FBP1: variants seen among roughly 807,000 people sequenced by gnomAD.
FBP1 encodes fructose-1,6-bisphosphatase 1.
A neutral mutation model predicts 29.9 loss-of-function variants in FBP1; 22 were observed. That is an observed-to-expected ratio of 0.74 (90% CI 0.53 to 1.05). The LOEUF (loss-of-function observed/expected upper bound fraction) is 1.05. Ranked by LOEUF, FBP1 falls within the 50% of genes least tolerant of loss-of-function variation. The pLI, the probability that FBP1 is intolerant of heterozygous loss-of-function variation, is 0.00. For missense variants in FBP1, 345 were observed against 448.2 expected (o/e 0.77, Z 2.08); for synonymous variants, 175 against 178.6 (o/e 0.98, Z 0.16).
intron 6 of FBP1, 71 bp downstream of exon 6, chr9:94,605,386 C>A: frequency 6.4e-7 from 1 of 1,554,086 alleles, no homozygotes; most frequent in Non-Finnish European, 8.8e-7. Context: ...AACCTTTCTT[C>A]TTCCTAAACT....
intron 3 of FBP1, among the ~76,000 whole-genome samples, chr9:94,610,470 G>A (rs1322226678): frequency 6.6e-6 from 1 of 152,234 alleles, no homozygotes; most frequent in Non-Finnish European, 1.5e-5. Flanking sequence ...CCAGTCTGCG[G>A]AGGAAATCAG....
rs996906877 is a variant in FBP1, at chr9:94,628,771, C to G, written c.171-8280G>C. Reference sequence around the variant, plus strand: ...GGACATGCTTTTAAATTGCACTGTTCCAGAGACCCGGATATTTGGTTTCCA... The same window carrying G: ...GGACATGCTTTTAAATTGCACTGTTGCAGAGACCCGGATATTTGGTTTCCA... On this transcript the variant is annotated intron_variant, in intron 1 of 6. Transcript: ENST00000375326. 3.3e-5 allele frequency among the ~76,000 whole-genome samples: 5 copies of G among 152,228 alleles called. No individual in the cohort carries two copies. In the South Asian group the frequency reaches 8.3e-4, roughly 25 times the overall value.
intron 3 of FBP1, among the ~76,000 whole-genome samples, chr9:94,615,123 T>C (rs1251292717): frequency 6.6e-6 from 1 of 152,132 alleles, no homozygotes; most frequent in Non-Finnish European, 1.5e-5. Flanking sequence ...TTAGCCAGGA[T>C]GGTCGCAATC....
chr9:94,603,842 C>G, intron 6 of FBP1: 1 of 487,298 alleles, frequency 2.1e-6, no homozygotes, highest in Non-Finnish European at 3.8e-6. Flanking sequence ...CACCTGCATA[C>G]TGGACAGAAT....
intron 2 of FBP1, among the ~76,000 whole-genome samples, chr9:94,619,424 T>C (rs1040679652): frequency 6.6e-6 from 1 of 152,184 alleles, no homozygotes; most frequent in Non-Finnish European, 1.5e-5. Context: ...AAGTTTTTTT[T>C]TCTAATTACA....
chr9:94,633,446 C>G (rs1828137921), intron 1 of FBP1, among the ~76,000 whole-genome samples: 1 of 152,192 alleles, frequency 6.6e-6, no homozygotes, highest in Non-Finnish European at 1.5e-5. Context: ...GTAAAGTGTT[C>G]ACCCTTGCCA....
At chr9:94,635,964 A>G (rs1417956869) in intron 1 of FBP1, among the ~76,000 whole-genome samples, 1 of 152,216 alleles carries the variant, frequency 6.6e-6, no homozygotes, top group African/African-American at 2.4e-5. Context: ...TTTGTCTGCT[A>G]TTATAGGCAT....
At position 94,627,144 on chromosome 9, in the gene FBP1, C is replaced by T. The variant is rs139886788; in HGVS notation, c.171-6653G>A. ...CAGAGGTTGCAGTAAGCTGAGATCA[C>T]GCAATTGCACTCCAGCCTGGGCAAC... is the stretch of plus-strand genomic sequence containing the variant. On this transcript the variant is annotated intron_variant, in intron 1 of 6. Transcript: ENST00000375326. 2.0e-3 allele frequency among the ~76,000 whole-genome samples: 308 copies of T among 150,962 alleles called. 2 individuals carry two copies. Among genetic ancestry groups the T allele is most frequent in the African/African-American group, 7.0e-3 (288 of 41,022 alleles).
intron 5 of FBP1, among the ~76,000 whole-genome samples, chr9:94,605,816 G>T (rs983789820): frequency 6.6e-6 from 1 of 152,118 alleles, no homozygotes; most frequent in Non-Finnish European, 1.5e-5. Flanking sequence ...CCCAACGAGG[G>T]TATGGTTGAT....
rs372558512 is a variant in FBP1 at position 94,610,079 on chromosome 9, T to C, written c.427-18A>G. On this transcript the variant is annotated intron_variant, in intron 3 of 6. Transcript: ENST00000375326. ...GTTGATTTCTAGAGCAAGAAAGAAA[T>C]CAAAGAATGTTTTTGTTTTGTTTTG... The C allele has an allele frequency of 1.2e-6, 2 of 1,613,096 alleles. No individual in the cohort carries two copies. Among genetic ancestry groups the C allele is most frequent in the Non-Finnish European group, 1.7e-6 (2 of 1,179,406 alleles).
intron 2 of FBP1, among the ~76,000 whole-genome samples, chr9:94,619,542 GAC>G (rs984917640): frequency 6.6e-6 from 1 of 152,056 alleles, no homozygotes; most frequent in African/African-American, 2.4e-5. Flanking sequence ...TAGACACTGG[GAC>G]ACAGAGACAA....
Position 94,639,421 on chromosome 9 carries a change from G to A in FBP1, c.-111C>T. The stretch of plus-strand genomic sequence containing the variant: ...ACTGGCCGCAGGTGCGGAGCTGCAG[G>A]TGCGGGCGGCAGGTGCGGGCCGCGG... On this transcript the variant is annotated 5_prime_UTR_variant, in exon 1 of 7. Coordinates refer to ENST00000375326, the MANE Select transcript of FBP1 (RefSeq NM_000507.4). The A allele has an allele frequency of 1.5e-6, 2 of 1,307,282 alleles. No homozygotes were observed. Among genetic ancestry groups the A allele is most frequent in the Non-Finnish European group, 2.1e-6 (2 of 930,944 alleles). 81.0% of individuals were successfully genotyped at this position (1,307,282 alleles called of 1,614,324 possible). A position where few individuals can be genotyped will look rare whatever the true frequency, so the allele number is the denominator to read the frequency against.
At chr9:94,608,798 C>T (rs984050192) in intron 4 of FBP1, among the ~76,000 whole-genome samples, 3 of 152,166 alleles carry the variant, frequency 2.0e-5, no homozygotes, top group African/African-American at 7.2e-5. Flanking sequence ...CTCCAGCAGC[C>T]TATCTCGCAC....
intron 3 of FBP1, 23 bp from the exon 4 acceptor site, chr9:94,610,084 G>T (rs746018168): frequency 1.9e-6 from 3 of 1,611,902 alleles, no homozygotes; most frequent in South Asian, 1.1e-5. Context: ...AGAAATCAAA[G>T]AATGTTTTTG....
chr9:94,621,815 G>T (rs1233344229), intron 1 of FBP1, among the ~76,000 whole-genome samples: 1 of 152,040 alleles, frequency 6.6e-6, no homozygotes, highest in Non-Finnish European at 1.5e-5. Context: ...CCTGGGTCGG[G>T]GGTAGCCTGA....
rs564777022 is a variant in FBP1 at position 94,603,273 on chromosome 9, T to C, written c.*108A>G. 2.1e-5 allele frequency: 19 copies of C among 918,472 alleles called. No individual in the cohort carries two copies. The South Asian group carries it at 2.5e-4, about 12-fold the overall frequency. 56.9% of individuals were successfully genotyped at this position (918,472 alleles called of 1,614,324 possible). A position where few individuals can be genotyped will look rare whatever the true frequency, so the allele number is the denominator to read the frequency against. On this transcript the variant is annotated 3_prime_UTR_variant, in exon 7 of 7. Coordinates refer to ENST00000375326, the MANE Select transcript of FBP1 (RefSeq NM_000507.4). ...TTGATGGTGGAAATAGTCATGCTTT[T>C]TATTTCTGCTCTCTAGGAATGTAAG...
At chr9:94,616,226 G>A (rs1827860282) in intron 3 of FBP1, among the ~76,000 whole-genome samples, 2 of 152,066 alleles carry the variant, frequency 1.3e-5, no homozygotes, top group African/African-American at 4.8e-5. Flanking sequence ...TTTCAGTTCT[G>A]AAATAAACAA....
chr9:94,610,044 A>G lies in FBP1; in HGVS notation c.444T>C (p.Pro148=). The G allele has an allele frequency of 6.2e-7, 1 of 1,614,166 alleles. No homozygotes were observed. ...CTGGTTGCAGAGCATCCTTCTCAGAAGGCTCATCAGTTGATTTCTAGAGCA... is the reference window on the plus strand; with the variant it reads ...CTGGTTGCAGAGCATCCTTCTCAGAGGGCTCATCAGTTGATTTCTAGAGCA... ...GIYRKKSTDE[P]SEKDALQPGR... is the part of the protein sequence containing the mutation. The change falls in exon 4 of 7, where the codon CCT becomes CCC. Residue 148 remains proline, a synonymous_variant. Transcript: ENST00000375326.
At chr9:94,614,924 T>A (rs964096558) in intron 3 of FBP1, among the ~76,000 whole-genome samples, 1 of 152,186 alleles carries the variant, frequency 6.6e-6, no homozygotes, top group East Asian at 1.9e-4. Flanking sequence ...TTATTTATTT[T>A]TTGAGACAGA....
Sources: allele counts gnomAD v4.1 joint callset (sites outside exome capture counted in the v4.1 genomes callset), GRCh38; gene constraint gnomAD v4.1.1; transcripts MANE v1.5; gene names NCBI Gene and HGNC (gene_info 2026-07-23, HGNC 2026-07-21).